The following PPP3CA variants were observed in gnomAD, a reference collection of about 807,000 sequenced individuals.
The protein encoded by PPP3CA is protein phosphatase 3 catalytic subunit alpha.
PPP3CA carries 14 observed loss-of-function variants against 66.5 expected under a neutral mutation model. The ratio of observed to expected loss-of-function variants is 0.21; its 90% CI spans 0.14 to 0.33. The LOEUF (loss-of-function observed/expected upper bound fraction) is 0.33, where lower values mean the gene tolerates loss of function less well. Among genes scored for constraint, PPP3CA ranks in the 10% least tolerant of loss-of-function variants. PPP3CA has a pLI of 1.00. For synonymous variants in PPP3CA, 232 were observed against 226.2 expected (o/e 1.03, Z -0.23); for missense variants, 317 against 639.5 (o/e 0.50, Z 5.44).
rs11947368 is a variant in PPP3CA, at chr4:101,169,767, A to G, written c.259+26149T>C. On this transcript the variant is annotated intron_variant, in intron 2 of 13. Coordinates refer to ENST00000394854, the MANE Select transcript of PPP3CA (RefSeq NM_000944.5). ...TTTTTTTACTGCTGACTCTTATGTG[A>G]TGACTTTGCAACCTTAGAGAAATCT... Among the ~76,000 whole-genome samples, 435 of 151,742 alleles carry G rather than the reference A, an allele frequency of 2.9e-3. 7 individuals carry two copies. The highest frequency in any genetic ancestry group is 9.6e-3 in the African/African-American group (396 of 41,376).
chr4:101,331,603 GGA>G (rs2110333320), intron 1 of PPP3CA, among the ~76,000 whole-genome samples: 1 of 152,280 alleles, frequency 6.6e-6, no homozygotes, highest in South Asian at 2.1e-4. Context: ...GTTTCACACA[GGA>G]GAGACAGATT....
At chr4:101,139,685 G>GTT (rs1359589082) in intron 2 of PPP3CA, among the ~76,000 whole-genome samples, 1 of 125,884 alleles carries the variant, frequency 7.9e-6, no homozygotes, top group African/African-American at 3.0e-5. Context: ...ACTTTTGAGG[G>GTT]TTTTTTTTGT....
chr4:101,304,455 T>C (rs1728475313), intron 1 of PPP3CA, among the ~76,000 whole-genome samples: 1 of 152,212 alleles, frequency 6.6e-6, no homozygotes, highest in African/African-American at 2.4e-5. Context: ...TAGATTTTAC[T>C]TCCTGGTACA....
chr4:101,075,123 T>C (rs1250179286), intron 8 of PPP3CA, among the ~76,000 whole-genome samples: 1 of 152,314 alleles, frequency 6.6e-6, no homozygotes, highest in Middle Eastern at 3.4e-3. Flanking sequence ...CATGATTCAA[T>C]TATCTCCACC....
intron 10 of PPP3CA, among the ~76,000 whole-genome samples, chr4:101,047,249 T>TA (rs1030683335): frequency 6.6e-6 from 1 of 152,096 alleles, no homozygotes; most frequent in African/African-American, 2.4e-5. Flanking sequence ...GTCCTAGATT[T>TA]AAAAAAAGCA....
At position 101,118,737 on chromosome 4, in the gene PPP3CA, T is replaced by C. The variant is rs182921673; in HGVS notation, c.260-9659A>G. Among the ~76,000 whole-genome samples the C allele has an allele frequency of 2.7e-3, 412 of 152,142 alleles. 4 individuals are homozygous for C. Among genetic ancestry groups the C allele is most frequent in the African/African-American group, 9.5e-3 (394 of 41,542 alleles). On this transcript the variant is annotated intron_variant, in intron 2 of 13. Coordinates refer to ENST00000394854, the MANE Select transcript of PPP3CA (RefSeq NM_000944.5). ...TCTTTTTAAATTACTTTCTTATTCATTCTGCTTGAACCAGCTTTCACTGTC... is the reference window on the plus strand; with the variant it reads ...TCTTTTTAAATTACTTTCTTATTCACTCTGCTTGAACCAGCTTTCACTGTC...
At chr4:101,063,528 A>G (rs1728559475) in intron 8 of PPP3CA, among the ~76,000 whole-genome samples, 171 bp from the exon 9 acceptor site, 1 of 151,968 alleles carries the variant, frequency 6.6e-6, no homozygotes, top group African/African-American at 2.4e-5. Flanking sequence ...AACCTTACTC[A>G]GGGTAATATA....
At chr4:101,225,942 A>G (rs1725768400) in intron 1 of PPP3CA, among the ~76,000 whole-genome samples, 1 of 151,806 alleles carries the variant, frequency 6.6e-6, no homozygotes, top group South Asian at 2.1e-4. Context: ...AAACATGATG[A>G]GCGTGACAAA....
At chr4:101,309,144 CATA>C (rs895707758) in intron 1 of PPP3CA, among the ~76,000 whole-genome samples, 3 of 151,972 alleles carry the variant, frequency 2.0e-5, no homozygotes, top group African/African-American at 4.8e-5. Context: ...TAATAATAAT[CATA>C]ATAATAATAA....
At chr4:101,263,711 A>G (rs1727078386) in intron 1 of PPP3CA, among the ~76,000 whole-genome samples, 1 of 152,030 alleles carries the variant, frequency 6.6e-6, no homozygotes, top group Non-Finnish European at 1.5e-5. Context: ...GCATCTCTCC[A>G]GACTGACAGG....
intron 5 of PPP3CA, 36 bp downstream of exon 5, chr4:101,098,330 CA>C (rs1410534432): frequency 6.4e-7 from 1 of 1,556,822 alleles, no homozygotes; most frequent in Admixed American, 2.0e-5. Context: ...TACTGTAGCG[CA>C]CAAAATGATT....
intron 1 of PPP3CA, among the ~76,000 whole-genome samples, chr4:101,299,213 A>G (rs373541144): frequency 2.8e-5 from 4 of 140,618 alleles, no homozygotes; most frequent in East Asian, 2.1e-4. Context: ...TCAGCCTCCC[A>G]AAGTCCTGGA....
At chr4:101,318,193 A>T (rs1229542540) in intron 1 of PPP3CA, among the ~76,000 whole-genome samples, 3 of 152,140 alleles carry the variant, frequency 2.0e-5, no homozygotes, top group South Asian at 4.1e-4. Flanking sequence ...AGAATGATAT[A>T]AAAAAAGTTC....
intron 2 of PPP3CA, among the ~76,000 whole-genome samples, chr4:101,171,864 G>A (rs1018882656): frequency 2.0e-5 from 3 of 152,142 alleles, no homozygotes; most frequent in Admixed American, 6.6e-5. Context: ...TAAGGATTAT[G>A]AGAAAATGAG....
In PPP3CA at chr4:101,122,120, G is replaced by A. The variant is rs75481907; in HGVS notation, c.260-13042C>T. Among the ~76,000 whole-genome samples the A allele has an allele frequency of 6.8e-3, 1,034 of 152,284 alleles. 8 individuals are homozygous for A. The highest frequency in any genetic ancestry group is 0.024 in the African/African-American group (982 of 41,564). On this transcript the variant is annotated intron_variant, in intron 2 of 13. Transcript: ENST00000394854. ...AAACACAAGGCTTGAAATGGTTGCT[G>A]TAGCAGGTATGACAAATATGACTCT...
intron 1 of PPP3CA, among the ~76,000 whole-genome samples, chr4:101,234,589 T>C (rs887376269): frequency 2.6e-5 from 4 of 151,784 alleles, no homozygotes; most frequent in Admixed American, 2.6e-4. Flanking sequence ...TTTTTTTTCT[T>C]GTAAATCGGG....
At chr4:101,170,960 G>A in intron 2 of PPP3CA, 1 of 273,978 alleles carries the variant, frequency 3.6e-6, no homozygotes, top group South Asian at 3.5e-5. Context: ...AATCATTTTG[G>A]TATTTTTTAA....
At chr4:101,149,196 G>A (rs1723057506) in intron 2 of PPP3CA, among the ~76,000 whole-genome samples, 1 of 152,106 alleles carries the variant, frequency 6.6e-6, no homozygotes, top group African/African-American at 2.4e-5. Flanking sequence ...AATTTGGAAT[G>A]CATAAAGCAC....
chr4:101,212,463 G>T (rs1468876617), intron 1 of PPP3CA, among the ~76,000 whole-genome samples: 1 of 152,110 alleles, frequency 6.6e-6, no homozygotes, highest in Non-Finnish European at 1.5e-5. Context: ...GGCTTGTCAA[G>T]GAGGGTGTTA....
Sources: allele counts gnomAD v4.1 joint callset (sites outside exome capture counted in the v4.1 genomes callset), GRCh38; gene constraint gnomAD v4.1.1; transcripts MANE v1.5; gene names NCBI Gene and HGNC (gene_info 2026-07-23, HGNC 2026-07-21).